The following ROBO2 variants were observed in gnomAD, a reference collection of about 807,000 sequenced individuals.
ROBO2 encodes roundabout homolog 2.
In ROBO2, 53 loss-of-function variants were observed where a neutral mutation model predicts 160.8. The ratio of observed to expected loss-of-function variants is 0.33; its 90% CI spans 0.26 to 0.41. ROBO2 has a LOEUF of 0.41. ROBO2 is among the 10% of genes least tolerant of loss of function. The probability of loss-of-function intolerance (pLI) is 1.00; values close to 1 mark genes in which losing one functional copy is unlikely to be tolerated. For synonymous variants in ROBO2, 664 were observed against 611.7 expected, an observed-to-expected ratio of 1.09 and a Z score of -1.26; for missense variants, 1,577 against 1,722.4, an observed-to-expected ratio of 0.92 and a Z score of 1.49.
intron 1 of ROBO2, among the ~76,000 whole-genome samples, chr3:77,057,862 T>A (rs2065913536): frequency 6.6e-6 from 1 of 151,976 alleles, no homozygotes; most frequent in Non-Finnish European, 1.5e-5. Flanking sequence ...AGCCACCGCG[T>A]CCTGGCAATA....
chr3:77,345,755 A>C (rs1041184643), intron 2 of ROBO2, among the ~76,000 whole-genome samples: 1 of 152,152 alleles, frequency 6.6e-6, no homozygotes, highest in East Asian at 1.9e-4. Flanking sequence ...GCCTAGAATA[A>C]ATTATCAAGA....
intron 2 of ROBO2, among the ~76,000 whole-genome samples, chr3:77,245,272 T>TG (rs2089592073): frequency 6.6e-6 from 1 of 152,146 alleles, no homozygotes; most frequent in Admixed American, 6.5e-5. Flanking sequence ...TTCCTTTTCA[T>TG]GGGGGGTGGC....
At chr3:76,288,479 G>T (rs1283548084) in intron 2 of ROBO2, among the ~76,000 whole-genome samples, 1 of 151,540 alleles carries the variant, frequency 6.6e-6, no homozygotes, top group Non-Finnish European at 1.5e-5. Flanking sequence ...GATCAGACTA[G>T]ATCTTTTTTT....
At chr3:76,358,896 A>G (rs1375423970) in intron 2 of ROBO2, among the ~76,000 whole-genome samples, 5 of 149,140 alleles carry the variant, frequency 3.4e-5, no homozygotes, top group African/African-American at 1.2e-4. Context: ...AGCATTAGGT[A>G]TATCTCCTAA....
intron 2 of ROBO2, among the ~76,000 whole-genome samples, chr3:76,804,846 C>T (rs1343119363): frequency 1.3e-5 from 2 of 152,100 alleles, no homozygotes; most frequent in African/African-American, 4.8e-5. Flanking sequence ...AGGGTCAGAG[C>T]TTATGCTCTT....
intron 2 of ROBO2, among the ~76,000 whole-genome samples, chr3:76,401,096 C>A (rs2077788047): frequency 6.6e-6 from 1 of 151,458 alleles, no homozygotes; most frequent in South Asian, 2.1e-4. Flanking sequence ...ATTGATTTGC[C>A]TGTTTTCTTC....
At chr3:76,133,636 G>A (rs904712383) in intron 2 of ROBO2, among the ~76,000 whole-genome samples, 6 of 152,076 alleles carry the variant, frequency 3.9e-5, no homozygotes, top group Admixed American at 6.6e-5. Flanking sequence ...GACAGCCTCT[G>A]GCAAATCACT....
intron 2 of ROBO2, among the ~76,000 whole-genome samples, chr3:76,886,675 G>C (rs919811700): frequency 6.6e-6 from 1 of 152,102 alleles, no homozygotes; most frequent in Non-Finnish European, 1.5e-5. Flanking sequence ...AGTAATACTA[G>C]ATGACTAGAA....
At chr3:77,216,534 G>T (rs1015761060) in intron 2 of ROBO2, among the ~76,000 whole-genome samples, 1 of 152,124 alleles carries the variant, frequency 6.6e-6, no homozygotes, top group African/African-American at 2.4e-5. Context: ...TGGGTGAGGC[G>T]ATGCCTCGCC....
intron 2 of ROBO2, among the ~76,000 whole-genome samples, chr3:76,278,853 T>C (rs1708079780): frequency 6.6e-6 from 1 of 151,862 alleles, no homozygotes; most frequent in African/African-American, 2.4e-5. Context: ...TCCTCCTCTA[T>C]AGGTTCACTG....
chr3:76,874,538 G>A (rs2072492490), intron 2 of ROBO2, among the ~76,000 whole-genome samples: 3 of 152,164 alleles, frequency 2.0e-5, no homozygotes, highest in South Asian at 2.1e-4. Context: ...AGCTAGCAGA[G>A]GGGCCATGGT....
intron 2 of ROBO2, among the ~76,000 whole-genome samples, chr3:77,460,460 T>C (rs1372003681): frequency 6.6e-6 from 1 of 152,138 alleles, no homozygotes; most frequent in Non-Finnish European, 1.5e-5. Flanking sequence ...ATCATCAGCA[T>C]GGAGGCAGAA....
chr3:77,138,911 G>GA (rs1009472765), intron 2 of ROBO2, among the ~76,000 whole-genome samples: 5 of 149,444 alleles, frequency 3.3e-5, no homozygotes, highest in Non-Finnish European at 5.9e-5. Flanking sequence ...GTGAGAAAAG[G>GA]AAAAAAAAAA....
intron 2 of ROBO2, among the ~76,000 whole-genome samples, chr3:76,683,105 C>A (rs1399114715): frequency 6.6e-6 from 1 of 151,994 alleles, no homozygotes; most frequent in Non-Finnish European, 1.5e-5. Context: ...TAGGTTAGGT[C>A]TCATGTATTT....
chr3:77,277,997 A>G (rs1348186009), intron 2 of ROBO2, among the ~76,000 whole-genome samples: 1 of 152,176 alleles, frequency 6.6e-6, no homozygotes, highest in Non-Finnish European at 1.5e-5. Flanking sequence ...AATAATCACC[A>G]TTCTGACTGG....
chr3:76,823,902 G>A (rs2066340278), intron 2 of ROBO2, among the ~76,000 whole-genome samples: 1 of 152,242 alleles, frequency 6.6e-6, no homozygotes, highest in Non-Finnish European at 1.5e-5. Flanking sequence ...TTGTTTTATG[G>A]TAAAACTGAG....
chr3:77,056,243 T>C (rs1002426020), intron 1 of ROBO2, among the ~76,000 whole-genome samples: 2 of 152,208 alleles, frequency 1.3e-5, no homozygotes, highest in African/African-American at 4.8e-5. Context: ...CTTTCTTTGA[T>C]GAAGTCATCC....
At chr3:75,984,257 T>C (rs2065352956) in intron 2 of ROBO2, among the ~76,000 whole-genome samples, 1 of 151,626 alleles carries the variant, frequency 6.6e-6, no homozygotes, top group Admixed American at 6.6e-5. Context: ...ATTAGACTAA[T>C]TACTAAGTTG....
At chr3:77,542,041 A>C (rs775766) in intron 6 of ROBO2, among the ~76,000 whole-genome samples, 117,536 of 152,104 alleles carry the variant, frequency 0.77, 45,859 homozygotes, top group African/African-American at 0.87. Context: ...AAAATGCCAC[A>C]TCTGTCTACT....
Sources: gnomAD v4.1 joint callset for allele counts (sites outside exome capture counted in the v4.1 genomes callset) on GRCh38, gnomAD v4.1.1 for gene constraint, MANE v1.5 for transcripts, NCBI Gene and HGNC (gene_info 2026-07-23, HGNC 2026-07-21) for gene names.